Variants in CIB4 observed in about 807,000 individuals in gnomAD.
CIB4 encodes the protein calcium and integrin-binding family member 4.
In CIB4, 25 loss-of-function variants were observed where a neutral mutation model predicts 25.8. The observed-to-expected ratio is 0.97, with a 90% confidence interval of 0.71 to 1.35. The LOEUF (loss-of-function observed/expected upper bound fraction) is 1.35, where lower values mean the gene tolerates loss of function less well. Among genes scored for constraint, CIB4 ranks in the 40% most tolerant of loss-of-function variants. The probability of loss-of-function intolerance (pLI) is 0.00; values close to 1 mark genes in which losing one functional copy is unlikely to be tolerated. For synonymous variants in CIB4, 75 were observed against 81.4 expected, an observed-to-expected ratio of 0.92 and a Z score of 0.42; for missense variants, 235 against 228.2, an observed-to-expected ratio of 1.03 and a Z score of -0.19.
At chr2:26,624,827 A>G (rs1669269048) in intron 3 of CIB4, among the ~76,000 whole-genome samples, 1 of 151,660 alleles carries the variant, frequency 6.6e-6, no homozygotes, top group Non-Finnish European at 1.5e-5. Flanking sequence ...ATAGCACAAC[A>G]AGGTATTATG....
intron 2 of CIB4, among the ~76,000 whole-genome samples, chr2:26,631,413 G>A (rs1669418277): frequency 6.6e-6 from 1 of 152,222 alleles, no homozygotes; most frequent in African/African-American, 2.4e-5. Context: ...GGTTGAGGCT[G>A]CAGCGAGCTG....
chr2:26,598,514 GA>G (rs1370053740), intron 3 of CIB4, among the ~76,000 whole-genome samples: 1 of 152,172 alleles, frequency 6.6e-6, no homozygotes, highest in Non-Finnish European at 1.5e-5. Flanking sequence ...GGGAAACAGT[GA>G]GGAATCCGAG....
In CIB4 at chr2:26,583,026, C is replaced by T. The variant is rs1668381306; in HGVS notation, c.439-113G>A. On this transcript the variant is annotated intron_variant, in intron 5 of 6. Transcript: ENST00000288861. The stretch of plus-strand genomic sequence containing the variant: ...CAGGGGCTCTCCCACATGCTTAACA[C>T]TTGTCTCCTGGGTCCCCTGACCCCA... The T allele has an allele frequency of 5.9e-6, 4 of 673,940 alleles. No individual in the cohort carries two copies. The South Asian group carries it at 7.4e-5, about 13-fold the overall frequency. 41.7% of individuals were successfully genotyped at this position (673,940 alleles called of 1,614,324 possible).
chr2:26,604,509 C>T (rs553900911), intron 3 of CIB4, among the ~76,000 whole-genome samples: 78 of 152,134 alleles, frequency 5.1e-4, no homozygotes, highest in African/African-American at 1.5e-3. Context: ...GACAATGGAG[C>T]GATATATTTT....
intron 3 of CIB4, among the ~76,000 whole-genome samples, chr2:26,595,659 A>C (rs1668668160): frequency 6.6e-6 from 1 of 152,268 alleles, no homozygotes; most frequent in African/African-American, 2.4e-5. Context: ...GGTAGAAATC[A>C]TGAGCATCCA....
At chr2:26,596,846 C>T (rs967196817) in intron 3 of CIB4, among the ~76,000 whole-genome samples, 2 of 152,004 alleles carry the variant, frequency 1.3e-5, no homozygotes, top group African/African-American at 4.8e-5. Flanking sequence ...CTGCTTAGCT[C>T]TTGGAAGAGT....
intron 3 of CIB4, among the ~76,000 whole-genome samples, chr2:26,624,387 T>C (rs1406621350): frequency 6.6e-6 from 1 of 152,164 alleles, no homozygotes; most frequent in East Asian, 1.9e-4. Context: ...GCTTCTGCTT[T>C]GTCCAGAATC....
chr2:26,626,340 C>T (rs1669303033), intron 3 of CIB4, among the ~76,000 whole-genome samples: 1 of 145,924 alleles, frequency 6.9e-6, no homozygotes, highest in Non-Finnish European at 1.5e-5. Flanking sequence ...ACGGTTCTGG[C>T]TGTTAGAGAC....
intron 2 of CIB4, among the ~76,000 whole-genome samples, chr2:26,629,914 C>T (rs1016052249): frequency 2.0e-5 from 3 of 152,182 alleles, no homozygotes; most frequent in African/African-American, 4.8e-5. Context: ...AGGGTCCCCA[C>T]CTCTGGCCAT....
chr2:26,608,930 T>C (rs573753436), intron 3 of CIB4, among the ~76,000 whole-genome samples: 13 of 152,292 alleles, frequency 8.5e-5, no homozygotes, highest in African/African-American at 3.1e-4. Flanking sequence ...TGAGATGAGC[T>C]GTCTCTCCTG....
intron 2 of CIB4, among the ~76,000 whole-genome samples, chr2:26,635,532 G>A (rs978179818): frequency 6.6e-6 from 1 of 152,172 alleles, no homozygotes; most frequent in Non-Finnish European, 1.5e-5. Flanking sequence ...AAATCACAAG[G>A]CATTGTCAGA....
intron 1 of CIB4, 33 bp from the exon 2 acceptor site, chr2:26,640,600 C>T (rs759232379): frequency 6.2e-7 from 1 of 1,605,480 alleles, no homozygotes; most frequent in African/African-American, 1.3e-5. Flanking sequence ...GACGTGTCCA[C>T]TCCATTCATC....
chr2:26,592,499 A>G (rs1193552395), intron 4 of CIB4, among the ~76,000 whole-genome samples: 1 of 152,168 alleles, frequency 6.6e-6, no homozygotes, highest in African/African-American at 2.4e-5. Flanking sequence ...GTCTTACATC[A>G]AATGTAGGAC....
intron 3 of CIB4, chr2:26,623,511 A>G: frequency 4.2e-6 from 2 of 471,484 alleles, no homozygotes; most frequent in Non-Finnish European, 4.4e-6. Flanking sequence ...GCAGATAGGA[A>G]CTAGTTCTAA....
chr2:26,624,086 G>A (rs1669255284), intron 3 of CIB4, among the ~76,000 whole-genome samples: 2 of 152,082 alleles, frequency 1.3e-5, no homozygotes. Context: ...ATGTTCTCTC[G>A]CCTTGTTCTC....
At chr2:26,634,872 G>C (rs1465074296) in intron 2 of CIB4, among the ~76,000 whole-genome samples, 1 of 152,228 alleles carries the variant, frequency 6.6e-6, no homozygotes, top group Non-Finnish European at 1.5e-5. Context: ...CCACCCAAGA[G>C]AGTGTCAGGA....
At chr2:26,616,892 G>A (rs1002781164) in intron 3 of CIB4, among the ~76,000 whole-genome samples, 1 of 152,154 alleles carries the variant, frequency 6.6e-6, no homozygotes, top group Non-Finnish European at 1.5e-5. Flanking sequence ...TGGGGGAAGG[G>A]CAGGGCCTCT....
At chr2:26,593,682 ACT>A (rs1486546244) in intron 4 of CIB4, among the ~76,000 whole-genome samples, 1 of 152,114 alleles carries the variant, frequency 6.6e-6, no homozygotes, top group South Asian at 2.1e-4. Context: ...TGTTGTAGAC[ACT>A]CTGTATTTCT....
At chr2:26,595,942 T>C (rs1009784249) in intron 3 of CIB4, among the ~76,000 whole-genome samples, 2 of 151,806 alleles carry the variant, frequency 1.3e-5, no homozygotes, top group Non-Finnish European at 2.9e-5. Flanking sequence ...CCATGTCTTA[T>C]AGAGACTGAA....
Sources: gnomAD v4.1 joint callset for allele counts (sites outside exome capture counted in the v4.1 genomes callset) on GRCh38, gnomAD v4.1.1 for gene constraint, MANE v1.5 for transcripts, NCBI Gene and HGNC (gene_info 2026-07-23, HGNC 2026-07-21) for gene names.